CCDC7: variants seen among roughly 807,000 people sequenced by gnomAD.
CCDC7 encodes coiled-coil domain-containing protein 7.
Under a neutral mutation model 196.9 loss-of-function variants are expected in CCDC7, and 183 were observed. The ratio of observed to expected loss-of-function variants is 0.93; its 90% CI spans 0.82 to 1.05. The LOEUF (loss-of-function observed/expected upper bound fraction) is 1.05, where lower values mean the gene tolerates loss of function less well. Ranked by LOEUF, CCDC7 falls within the 50% of genes least tolerant of loss-of-function variation. The pLI is 0.00. For missense variants in CCDC7, 1,540 were observed against 1,482.2 expected, an observed-to-expected ratio of 1.04 and a Z score of -0.64; for synonymous variants, 525 against 484.6, an observed-to-expected ratio of 1.08 and a Z score of -1.10.
intron 6 of CCDC7, among the ~76,000 whole-genome samples, chr10:32,472,143 T>C (rs542655633): frequency 6.6e-6 from 1 of 152,320 alleles, no homozygotes; most frequent in East Asian, 1.9e-4. Flanking sequence ...CCGGAACTTA[T>C]GTCCTTCATC....
intron 21 of CCDC7, among the ~76,000 whole-genome samples, chr10:32,672,519 C>T (rs1053908203): frequency 6.6e-6 from 1 of 152,156 alleles, no homozygotes; most frequent in South Asian, 2.1e-4. Flanking sequence ...GTGGTGACTT[C>T]TTTCCCAGTA....
intron 24 of CCDC7, among the ~76,000 whole-genome samples, chr10:32,707,454 T>A (rs1046198826): frequency 2.0e-5 from 3 of 152,132 alleles, no homozygotes; most frequent in African/African-American, 4.8e-5. Context: ...CAACATAGTA[T>A]TGGAAGTTCT....
intron 28 of CCDC7, among the ~76,000 whole-genome samples, chr10:32,753,995 G>A (rs1006554241): frequency 2.0e-5 from 3 of 151,712 alleles, no homozygotes; most frequent in Admixed American, 6.6e-5. Flanking sequence ...CCAATACCAT[G>A]TTTCATGATG....
intron 12 of CCDC7, 116 bp downstream of exon 13, chr10:32,543,501 A>C: frequency 9.7e-7 from 1 of 1,028,674 alleles, no homozygotes; most frequent in Non-Finnish European, 1.3e-6. Flanking sequence ...TAAAAACATA[A>C]AATTGGCAAA....
chr10:32,839,052 G>A (rs1239090268), intron 33 of CCDC7, among the ~76,000 whole-genome samples: 1 of 151,680 alleles, frequency 6.6e-6, no homozygotes, highest in Non-Finnish European at 1.5e-5. Context: ...AAATCTCACA[G>A]GACCCATATA....
rs369175643 is a variant in CCDC7 at position 32,665,282 on chromosome 10, T to G, written c.2122+1121T>G. On this transcript the variant is annotated intron_variant, in intron 21 of 41. Transcript: ENST00000639629. ...TAGGCTATTTATTCCTACTGTTGAT[T>G]GTTTGCTTTGCTGTGCAGAGCTTTT... Among the ~76,000 whole-genome samples, 28 of 148,098 alleles carry G rather than the reference T, an allele frequency of 1.9e-4. No individual in the cohort carries two copies. In the East Asian group the frequency reaches 4.7e-3, roughly 25 times the overall value.
intron 31 of CCDC7, among the ~76,000 whole-genome samples, chr10:32,816,605 C>A (rs4587632): frequency 0.086 from 13,055 of 152,212 alleles, 880 homozygotes; most frequent in South Asian, 0.25. Flanking sequence ...CAGACTGACA[C>A]CTCACATGGC....
At chr10:32,701,138 T>A (rs2141522638) in intron 24 of CCDC7, among the ~76,000 whole-genome samples, 1 of 152,330 alleles carries the variant, frequency 6.6e-6, no homozygotes, top group Non-Finnish European at 1.5e-5. Context: ...TGTGCCAGTT[T>A]TCAAAGGGAA....
intron 13 of CCDC7, among the ~76,000 whole-genome samples, chr10:32,548,847 G>C (rs553730088): frequency 6.6e-6 from 1 of 152,278 alleles, no homozygotes; most frequent in African/African-American, 2.4e-5. Flanking sequence ...TGATTTTGCA[G>C]TTGTGAATTG....
chr10:32,851,421 A>G (rs1049480955), intron 39 of CCDC7, among the ~76,000 whole-genome samples: 5 of 152,008 alleles, frequency 3.3e-5, no homozygotes, highest in African/African-American at 9.7e-5. Context: ...TTGATATTTG[A>G]TGTAATTTTG....
At chr10:32,799,290 T>G (rs903751338) in intron 29 of CCDC7, among the ~76,000 whole-genome samples, 1 of 152,164 alleles carries the variant, frequency 6.6e-6, no homozygotes, top group African/African-American at 2.4e-5. Context: ...TCCACTGTGA[T>G]TCACCTATGG....
intron 24 of CCDC7, among the ~76,000 whole-genome samples, chr10:32,699,341 A>G (rs887271499): frequency 3.3e-5 from 5 of 151,616 alleles, no homozygotes; most frequent in Non-Finnish European, 5.9e-5. Flanking sequence ...GCTGAGAATG[A>G]TGGTTTCCAG....
intron 9 of CCDC7, among the ~76,000 whole-genome samples, chr10:32,515,808 G>A (rs968639138): frequency 8.6e-5 from 13 of 151,922 alleles, no homozygotes; most frequent in Non-Finnish European, 1.2e-4. Context: ...CAAAGTGCTG[G>A]GATTACAGGC....
At chr10:32,878,580 A>G (rs1468344355), downstream of CCDC7, among the ~76,000 whole-genome samples, 1 of 152,084 alleles carries the variant, frequency 6.6e-6, no homozygotes, top group African/African-American at 2.4e-5. Context: ...GCAAATGTGA[A>G]TAGGGTCTAG....
chr10:32,796,992 A>G (rs1233603305), intron 29 of CCDC7, among the ~76,000 whole-genome samples: 5 of 152,078 alleles, frequency 3.3e-5, no homozygotes. Flanking sequence ...AAGACAATCT[A>G]CTTAAGACGG....
intron 20 of CCDC7, among the ~76,000 whole-genome samples, chr10:32,658,029 C>T (rs1355222609): frequency 6.6e-6 from 1 of 152,164 alleles, no homozygotes; most frequent in Non-Finnish European, 1.5e-5. Flanking sequence ...CTGAGACCAC[C>T]TCAGGCTGGA....
At chr10:32,718,330 T>C (rs1343017820) in intron 25 of CCDC7, among the ~76,000 whole-genome samples, 4 of 150,476 alleles carry the variant, frequency 2.7e-5, no homozygotes, top group African/African-American at 9.7e-5. Context: ...AGAAAATTCA[T>C]GGTAAAAACA....
intron 11 of CCDC7, among the ~76,000 whole-genome samples, chr10:32,526,348 T>C (rs927558351): frequency 6.6e-6 from 1 of 152,180 alleles, no homozygotes; most frequent in Non-Finnish European, 1.5e-5. Context: ...TCCAGAAATA[T>C]TGTCCAGAAG....
At chr10:32,640,670 T>C (rs1213084044) in intron 20 of CCDC7, among the ~76,000 whole-genome samples, 1 of 152,170 alleles carries the variant, frequency 6.6e-6, no homozygotes, top group Non-Finnish European at 1.5e-5. Context: ...CCATGTTTAG[T>C]GCTTCCTTCA....
Sources: gnomAD v4.1 joint callset for allele counts (sites outside exome capture counted in the v4.1 genomes callset) on GRCh38, gnomAD v4.1.1 for gene constraint, MANE v1.5 for transcripts, NCBI Gene and HGNC (gene_info 2026-07-23, HGNC 2026-07-21) for gene names.